NCAM2: variants seen among roughly 807,000 people sequenced by gnomAD.
The protein encoded by NCAM2 is N-CAM-2.
In NCAM2, 30 loss-of-function variants were observed where a neutral mutation model predicts 98.1. The observed-to-expected ratio is 0.31, with a 90% confidence interval of 0.23 to 0.41. The LOEUF (loss-of-function observed/expected upper bound fraction) is 0.41. Ranked by LOEUF, NCAM2 falls within the 10% of genes least tolerant of loss-of-function variation. The probability of loss-of-function intolerance (pLI) is 1.00; values close to 1 mark genes in which losing one functional copy is unlikely to be tolerated. For synonymous variants in NCAM2, 368 were observed against 342.4 expected, an observed-to-expected ratio of 1.07 and a Z score of -0.83; for missense variants, 867 against 1,005.8, an observed-to-expected ratio of 0.86 and a Z score of 1.87.
intron 11 of NCAM2, among the ~76,000 whole-genome samples, chr21:21,419,427 G>A (rs2077065598): frequency 7.0e-6 from 1 of 142,074 alleles, no homozygotes; most frequent in Non-Finnish European, 1.5e-5. Context: ...AGTTACATAT[G>A]TATACACGTG....
chr21:21,355,724 T>C (rs2075460042), intron 8 of NCAM2, among the ~76,000 whole-genome samples: 2 of 151,756 alleles, frequency 1.3e-5, no homozygotes, highest in Admixed American at 6.6e-5. Flanking sequence ...CAAATGATTC[T>C]CCTGACATAG....
At chr21:21,069,637 T>C (rs1163830009) in intron 1 of NCAM2, among the ~76,000 whole-genome samples, 1 of 152,144 alleles carries the variant, frequency 6.6e-6, no homozygotes, top group Non-Finnish European at 1.5e-5. Context: ...ATAAAATGTA[T>C]GACACAAATT....
chr21:21,118,486 G>A (rs1411596260), intron 1 of NCAM2, among the ~76,000 whole-genome samples: 1 of 152,136 alleles, frequency 6.6e-6, no homozygotes, highest in Non-Finnish European at 1.5e-5. Context: ...AAAGGAAGGG[G>A]TGAGGGACCT....
chr21:21,018,070 C>T (rs1208117271), intron 1 of NCAM2, among the ~76,000 whole-genome samples: 3 of 152,124 alleles, frequency 2.0e-5, no homozygotes, highest in Non-Finnish European at 2.9e-5. Context: ...TTCTAAGAAG[C>T]AAATGTACTT....
chr21:21,398,279 G>T (rs1270449218), intron 9 of NCAM2, among the ~76,000 whole-genome samples: 2 of 152,158 alleles, frequency 1.3e-5, no homozygotes, highest in East Asian at 1.9e-4. Context: ...TGAGAGTAGG[G>T]TGAGGGATAA....
chr21:21,163,055 A>C (rs773522938), intron 1 of NCAM2, among the ~76,000 whole-genome samples: 19 of 152,182 alleles, frequency 1.2e-4, no homozygotes, highest in Non-Finnish European at 2.5e-4. Flanking sequence ...ATATTCTTTC[A>C]TCCCCTTTTC....
intron 15 of NCAM2, among the ~76,000 whole-genome samples, chr21:21,501,313 CAG>C (rs1486913614): frequency 6.6e-6 from 1 of 151,892 alleles, no homozygotes; most frequent in Non-Finnish European, 1.5e-5. Flanking sequence ...TGTATTATCT[CAG>C]AATGTGTCTT....
At chr21:21,052,393 G>A (rs190695163) in intron 1 of NCAM2, among the ~76,000 whole-genome samples, 110 of 152,130 alleles carry the variant, frequency 7.2e-4, no homozygotes, top group Admixed American at 1.3e-3. Context: ...TAGAACTCCT[G>A]ATCTCAGGTG....
intron 7 of NCAM2, among the ~76,000 whole-genome samples, chr21:21,336,079 A>G (rs1232383119): frequency 6.6e-6 from 1 of 152,152 alleles, no homozygotes; most frequent in Non-Finnish European, 1.5e-5. Context: ...CTTTCATTTA[A>G]CTAAATGAAA....
intron 11 of NCAM2, among the ~76,000 whole-genome samples, chr21:21,431,046 C>CA (rs34613152): frequency 0.024 from 1,547 of 63,490 alleles, 21 homozygotes; most frequent in African/African-American, 0.045. Flanking sequence ...AACTCCGTCT[C>CA]AAAAAAAAAA....
rs2069779065 is a variant in NCAM2 at position 21,214,331 on chromosome 21, A to G, written c.56-66247A>G. ...GTAATGTCAGTATTTCTAAATAGCTAGCTCCATTATTCTTTCCATGATATC... is the reference window on the plus strand; with the variant it reads ...GTAATGTCAGTATTTCTAAATAGCTGGCTCCATTATTCTTTCCATGATATC... On this transcript the variant is annotated intron_variant, in intron 1 of 17. Coordinates refer to ENST00000400546, the MANE Select transcript of NCAM2 (RefSeq NM_004540.5). Among the ~76,000 whole-genome samples, 5 of 152,304 alleles carry G rather than the reference A, an allele frequency of 3.3e-5. No homozygotes were observed. In the East Asian group the frequency reaches 5.8e-4, roughly 18 times the overall value.
At chr21:21,343,025 C>A (rs963620054) in intron 8 of NCAM2, among the ~76,000 whole-genome samples, 6 of 152,114 alleles carry the variant, frequency 3.9e-5, no homozygotes, top group African/African-American at 1.4e-4. Context: ...CTGGCACTCT[C>A]ATAGGAATTT....
At chr21:21,359,836 CTT>C (rs2075598227) in intron 8 of NCAM2, among the ~76,000 whole-genome samples, 2 of 151,852 alleles carry the variant, frequency 1.3e-5, no homozygotes, top group South Asian at 2.1e-4. Flanking sequence ...TATTAATAGA[CTT>C]AACAAAAACA....
intron 5 of NCAM2, among the ~76,000 whole-genome samples, chr21:21,312,921 T>G (rs1414811315): frequency 6.6e-6 from 1 of 151,814 alleles, no homozygotes; most frequent in Non-Finnish European, 1.5e-5. Flanking sequence ...ATTATAGGAT[T>G]GTTTTTGTTA....
intron 1 of NCAM2, among the ~76,000 whole-genome samples, chr21:21,160,230 A>G (rs1261317955): frequency 6.6e-6 from 1 of 152,122 alleles, no homozygotes; most frequent in African/African-American, 2.4e-5. Context: ...AAAGATAATG[A>G]ATGAATGTTT....
At chr21:21,376,535 A>C (rs564940109) in intron 9 of NCAM2, among the ~76,000 whole-genome samples, 11 of 151,874 alleles carry the variant, frequency 7.2e-5, no homozygotes. Flanking sequence ...ACATAATTAC[A>C]TGAGATTTTT....
chr21:21,499,946 T>C lies in NCAM2; in HGVS notation c.2078-8905T>C, dbSNP rs114332705. On this transcript the variant is annotated intron_variant, in intron 15 of 17. Coordinates refer to ENST00000400546, the MANE Select transcript of NCAM2 (RefSeq NM_004540.5). ...ATGTTAGAATTTCCAAGTGCATTTATATCAACTCATCTTTTTATTTTTCTG... is the reference window on the plus strand; with the variant it reads ...ATGTTAGAATTTCCAAGTGCATTTACATCAACTCATCTTTTTATTTTTCTG... Among the ~76,000 whole-genome samples the C allele has an allele frequency of 4.7e-3, 722 of 152,262 alleles. 3 individuals are homozygous for C. The highest frequency in any genetic ancestry group is 0.017 in the African/African-American group (693 of 41,580).
chr21:21,533,265 C>A (rs1989810351), intron 16 of NCAM2, among the ~76,000 whole-genome samples: 1 of 145,086 alleles, frequency 6.9e-6, no homozygotes, highest in African/African-American at 2.5e-5. Context: ...AGTTTCCCTG[C>A]TCTGAATGTT....
At chr21:21,069,306 G>T (rs996491799) in intron 1 of NCAM2, among the ~76,000 whole-genome samples, 1 of 152,162 alleles carries the variant, frequency 6.6e-6, no homozygotes, top group African/African-American at 2.4e-5. Flanking sequence ...CAGAGAGAAT[G>T]TAAATTATAT....
Sources: allele counts gnomAD v4.1 joint callset (sites outside exome capture counted in the v4.1 genomes callset), GRCh38; gene constraint gnomAD v4.1.1; transcripts MANE v1.5; gene names NCBI Gene and HGNC (gene_info 2026-07-23, HGNC 2026-07-21).